The following PSD3 variants were observed in gnomAD, a reference collection of about 807,000 sequenced individuals.
PSD3 encodes the protein pleckstrin and Sec7 domain containing 3, also known as PH and SEC7 domain-containing protein 3.
PSD3 carries 49 observed loss-of-function variants against 105.5 expected under a neutral mutation model. The observed-to-expected ratio is 0.46, with a 90% CI of 0.37 to 0.59. The LOEUF (loss-of-function observed/expected upper bound fraction) is 0.59, where lower values mean the gene tolerates loss of function less well. PSD3 is among the 20% of genes least tolerant of loss of function. PSD3 has a pLI of 0.00. For missense variants in PSD3, 1,561 were observed against 1,263.8 expected, an observed-to-expected ratio of 1.24 and a Z score of -3.57; for synonymous variants, 557 against 457.8, an observed-to-expected ratio of 1.22 and a Z score of -2.77.
intron 14 of PSD3, among the ~76,000 whole-genome samples, chr8:18,557,270 A>T (rs1488840568): frequency 6.6e-6 from 1 of 152,262 alleles, no homozygotes; most frequent in Non-Finnish European, 1.5e-5. Flanking sequence ...AACAGATCTG[A>T]CTAAATTAGG....
At chr8:18,890,821 G>A (rs917667233) in intron 2 of PSD3, among the ~76,000 whole-genome samples, 1 of 151,988 alleles carries the variant, frequency 6.6e-6, no homozygotes, top group Non-Finnish European at 1.5e-5. Context: ...GGGTAAGGGT[G>A]GGGGAGGGGG....
intron 9 of PSD3, among the ~76,000 whole-genome samples, chr8:18,715,047 G>T (rs1162995076): frequency 6.6e-6 from 1 of 152,148 alleles, no homozygotes; most frequent in African/African-American, 2.4e-5. Context: ...ACCAAACACT[G>T]CATGTTCTCA....
chr8:19,026,934 G>C (rs199854596), intron 1 of PSD3, among the ~76,000 whole-genome samples: 2 of 124,528 alleles, frequency 1.6e-5, no homozygotes, highest in Non-Finnish European at 4.0e-5. Flanking sequence ...GAATGAATGA[G>C]TGAGTGAAAG....
chr8:18,975,516 C>G (rs746517886), intron 1 of PSD3, among the ~76,000 whole-genome samples: 1 of 151,934 alleles, frequency 6.6e-6, no homozygotes, highest in Admixed American at 6.6e-5. Context: ...ACTTGGCTTA[C>G]CCAAGTCCCT....
At chr8:19,005,679 G>A (rs977758877) in intron 1 of PSD3, among the ~76,000 whole-genome samples, 2 of 151,752 alleles carry the variant, frequency 1.3e-5, no homozygotes, top group African/African-American at 4.8e-5. Context: ...TATTAAAGGG[G>A]TCTCACTCTA....
chr8:18,852,937 G>A (rs11988239), intron 4 of PSD3, among the ~76,000 whole-genome samples: 70,100 of 151,874 alleles, frequency 0.46, 16,730 homozygotes, highest in East Asian at 0.86. Context: ...CCTCATGTTA[G>A]ATACTATTAT....
intron 15 of PSD3, among the ~76,000 whole-genome samples, chr8:18,551,509 G>C (rs1013235223): frequency 6.6e-6 from 1 of 152,176 alleles, no homozygotes; most frequent in Non-Finnish European, 1.5e-5. Flanking sequence ...CATGCTTCAA[G>C]AATGTCCTAG....
chr8:18,589,594 A>T (rs1585318010), intron 12 of PSD3, among the ~76,000 whole-genome samples: 1 of 152,286 alleles, frequency 6.6e-6, no homozygotes, highest in East Asian at 1.9e-4. Context: ...AATAATTATA[A>T]AAATGTTGTT....
chr8:19,070,624 G>C (rs1563543728), intron 1 of PSD3, among the ~76,000 whole-genome samples: 1 of 152,190 alleles, frequency 6.6e-6, no homozygotes. Context: ...GTTGCAGTGA[G>C]CTGAGATCGT....
intron 1 of PSD3, among the ~76,000 whole-genome samples, chr8:18,962,468 G>A (rs182678495): frequency 6.6e-6 from 1 of 152,224 alleles, no homozygotes; most frequent in East Asian, 1.9e-4. Context: ...CACAGCAAAA[G>A]GTATTTTTGG....
chr8:18,544,288 T>C (rs892299392), intron 15 of PSD3, among the ~76,000 whole-genome samples: 5 of 151,566 alleles, frequency 3.3e-5, no homozygotes, highest in South Asian at 4.2e-4. Context: ...GATGGCAGAA[T>C]TGAGTTGCAG....
At chr8:18,578,804 G>T (rs1802622259) in intron 12 of PSD3, among the ~76,000 whole-genome samples, 1 of 151,810 alleles carries the variant, frequency 6.6e-6, no homozygotes, top group Non-Finnish European at 1.5e-5. Context: ...TGTCACCTTG[G>T]AAGAACTGCA....
Position 18,611,678 on chromosome 8 carries a change from TCTGTGAAAATAAG to T in PSD3, c.2411-11257_2411-11245del, listed in dbSNP as rs562338043. Among the ~76,000 whole-genome samples, 57 of 152,300 alleles carry T rather than the reference TCTGTGAAAATAAG, an allele frequency of 3.7e-4. No homozygotes were observed. In the South Asian group the frequency reaches 6.8e-3, roughly 18 times the overall value. ...ACAAAGAAAGACTTTTTTTCTCACT[TCTGTGAAAATAAG>T]CTGTGAAAATAAGCAATTTAAATCT... is the stretch of plus-strand genomic sequence containing the variant. On this transcript the variant is annotated intron_variant, in intron 11 of 15. Transcript: ENST00000327040.
chr8:18,785,788 T>C (rs901527817), intron 8 of PSD3, among the ~76,000 whole-genome samples: 2 of 152,166 alleles, frequency 1.3e-5, no homozygotes, highest in African/African-American at 4.8e-5. Flanking sequence ...AGGCTATTAA[T>C]TGGCCTAATT....
chr8:18,956,539 G>A (rs1823585658), intron 1 of PSD3, among the ~76,000 whole-genome samples: 1 of 152,174 alleles, frequency 6.6e-6, no homozygotes, highest in Non-Finnish European at 1.5e-5. Flanking sequence ...GGAAAGGGGT[G>A]TGATGAAGGT....
intron 4 of PSD3, among the ~76,000 whole-genome samples, chr8:18,829,718 T>C (rs978384664): frequency 3.9e-5 from 6 of 152,166 alleles, no homozygotes; most frequent in Non-Finnish European, 7.3e-5. Flanking sequence ...CACAATCTCG[T>C]AGCACTGTTG....
At chr8:18,779,850 T>A (rs76580499) in intron 8 of PSD3, among the ~76,000 whole-genome samples, 2,554 of 152,288 alleles carry the variant, frequency 0.017, 86 homozygotes, top group East Asian at 0.12. Flanking sequence ...GTATAACAAA[T>A]AGTCTAGCCT....
intron 6 of PSD3, among the ~76,000 whole-genome samples, 191 bp from the exon 7 acceptor site, chr8:18,801,573 C>CTT (rs1810691553): frequency 6.6e-6 from 1 of 152,002 alleles, no homozygotes; most frequent in African/African-American, 2.4e-5. Context: ...TATTTAAATT[C>CTT]TATAAAAAGC....
At chr8:18,693,652 C>T (rs1172622064) in intron 9 of PSD3, among the ~76,000 whole-genome samples, 1 of 152,150 alleles carries the variant, frequency 6.6e-6, no homozygotes, top group Non-Finnish European at 1.5e-5. Flanking sequence ...GACAGAGCCC[C>T]CCTGTTGCAG....
Sources: allele counts gnomAD v4.1 joint callset (sites outside exome capture counted in the v4.1 genomes callset), GRCh38; gene constraint gnomAD v4.1.1; transcripts MANE v1.5; gene names NCBI Gene and HGNC (gene_info 2026-07-23, HGNC 2026-07-21).